Variants in DPH6 observed in about 807,000 individuals in gnomAD.
DPH6 encodes diphthamine biosynthesis 6.
Under a neutral mutation model 38.2 loss-of-function variants are expected in DPH6, and 33 were observed. The ratio of observed to expected loss-of-function variants is 0.86; its 90% CI spans 0.65 to 1.15. The LOEUF (loss-of-function observed/expected upper bound fraction) is 1.15, where lower values mean the gene tolerates loss of function less well. Among genes scored for constraint, DPH6 ranks in the 50% most tolerant of loss-of-function variants. The pLI, the probability that DPH6 is intolerant of heterozygous loss-of-function variation, is 0.00. For synonymous variants in DPH6, 108 were observed against 103.0 expected, an observed-to-expected ratio of 1.05 and a Z score of -0.30; for missense variants, 325 against 320.0, an observed-to-expected ratio of 1.02 and a Z score of -0.12.
At chr15:35,288,382 T>C (rs946160413) in intron 3 of DPH6, among the ~76,000 whole-genome samples, 1 of 152,194 alleles carries the variant, frequency 6.6e-6, no homozygotes, top group Non-Finnish European at 1.5e-5. Flanking sequence ...CAGTAAGGTT[T>C]TGGAAATTTA....
chr15:35,397,341 C>T (rs746984537), intron 6 of DPH6, among the ~76,000 whole-genome samples: 9 of 152,226 alleles, frequency 5.9e-5, no homozygotes, highest in Non-Finnish European at 1.2e-4. Context: ...TATAATTTTG[C>T]TCTTCCATCT....
intron 3 of DPH6, among the ~76,000 whole-genome samples, chr15:35,482,925 T>C (rs2054345902): frequency 1.3e-5 from 2 of 152,036 alleles, no homozygotes; most frequent in Admixed American, 6.5e-5. Flanking sequence ...TTGCAAATCA[T>C]ACATCTGATA....
At chr15:35,423,093 G>A (rs1306891722) in intron 5 of DPH6, among the ~76,000 whole-genome samples, 2 of 151,812 alleles carry the variant, frequency 1.3e-5, no homozygotes, top group Middle Eastern at 3.2e-3. Flanking sequence ...GTGATTGCCG[G>A]ATCATACAGT....
At chr15:35,232,043 A>G (rs775966455) in intron 3 of DPH6, among the ~76,000 whole-genome samples, 3 of 152,180 alleles carry the variant, frequency 2.0e-5, no homozygotes, top group Non-Finnish European at 4.4e-5. Flanking sequence ...AAACTGTATC[A>G]GTATTACTGG....
At chr15:35,450,898 T>C in intron 4 of DPH6, 95 bp from the exon 5 acceptor site, 1 of 981,850 alleles carries the variant, frequency 1.0e-6, no homozygotes, top group Non-Finnish European at 1.5e-6. Context: ...TAATGCTTCG[T>C]TCAAGGATTT....
chr15:35,284,770 T>C (rs1595461003), intron 3 of DPH6, among the ~76,000 whole-genome samples: 1 of 139,570 alleles, frequency 7.2e-6, no homozygotes. Flanking sequence ...ATGACAGATA[T>C]AAAAGGAAAA....
chr15:35,520,391 A>G (rs556488120), intron 3 of DPH6: 4 of 982,524 alleles, frequency 4.1e-6, no homozygotes, highest in Admixed American at 1.2e-4. Flanking sequence ...TGTAAAATAA[A>G]TAAGTTACAT....
At chr15:35,195,605 C>A in the DPH6 span, among the ~76,000 whole-genome samples, 3 of 152,122 alleles carry the variant, frequency 2.0e-5, no homozygotes. Context: ...GGGTTGTGAG[C>A]AGGTCTGATA....
intron 5 of DPH6, 56 bp downstream of exon 5, chr15:35,450,629 G>A: frequency 1.5e-6 from 2 of 1,363,066 alleles, no homozygotes; most frequent in Non-Finnish European, 2.1e-6. Flanking sequence ...ACTTATTAGT[G>A]AACTGAGATC....
At chr15:35,507,847 T>G (rs1461325148) in intron 3 of DPH6, among the ~76,000 whole-genome samples, 1 of 152,012 alleles carries the variant, frequency 6.6e-6, no homozygotes, top group East Asian at 1.9e-4. Context: ...AAAAATTATA[T>G]ACATATATAT....
At chr15:35,208,207 G>T in the DPH6 span, among the ~76,000 whole-genome samples, 1 of 152,116 alleles carries the variant, frequency 6.6e-6, no homozygotes. Context: ...GTCCCTGGAG[G>T]TGGTGGCGGG....
Position 35,542,563 on chromosome 15 carries a change from T to C in DPH6, c.24-56A>G, listed in dbSNP as rs1001358782. ...TCATGCTACTGACCATTATTCAACA[T>C]AAAATCACTAGATATCAAAACAGAA... is the stretch of plus-strand genomic sequence containing the variant. On this transcript the variant is annotated intron_variant, in intron 1 of 8. Transcript: ENST00000256538. The C allele has an allele frequency of 1.3e-5, 18 of 1,427,410 alleles. No individual in the cohort carries two copies. In the African/African-American group the frequency reaches 2.4e-4, roughly 19 times the overall value. The allele number at this position is 1,427,410 out of a possible 1,614,324, so 88.4% of individuals were successfully genotyped here. A position where few individuals can be genotyped will look rare whatever the true frequency, so the allele number is the denominator to read the frequency against.
At chr15:35,241,646 T>G (rs1418257450) in intron 3 of DPH6, among the ~76,000 whole-genome samples, 1 of 142,156 alleles carries the variant, frequency 7.0e-6, no homozygotes. Context: ...CCTCCTCTTG[T>G]ATTCCCCCAC....
chr15:35,511,766 T>C (rs2054776174), intron 3 of DPH6, among the ~76,000 whole-genome samples: 1 of 150,880 alleles, frequency 6.6e-6, no homozygotes, highest in African/African-American at 2.4e-5. Flanking sequence ...CAAACAAAAA[T>C]AGAGAGAATT....
At position 35,365,767 on chromosome 15, in the gene DPH6, G is replaced by A. The variant is rs569674051; in HGVS notation, n.207+7754C>T. ...GTCCATTTACTCGAGACAGAAATGA[G>A]TCAAGTAGTCCTTTAAATGTGGGTG... On this transcript the variant is annotated intron_variant and non_coding_transcript_variant, in intron 3 of 3. Transcript: ENST00000558973. 5.9e-5 allele frequency: 58 copies of A among 984,286 alleles called. No individual in the cohort carries two copies. The African/African-American group carries it at 9.9e-4, about 17-fold the overall frequency. 61.0% of individuals were successfully genotyped at this position (984,286 alleles called of 1,614,324 possible).
chr15:35,317,319 A>G (rs1396946739), intron 3 of DPH6, among the ~76,000 whole-genome samples: 1 of 151,308 alleles, frequency 6.6e-6, no homozygotes, highest in Non-Finnish European at 1.5e-5. Flanking sequence ...GAAAGAAGGA[A>G]GGAAAAAAGA....
At chr15:35,276,568 T>A (rs1422342336) in intron 3 of DPH6, among the ~76,000 whole-genome samples, 3 of 152,246 alleles carry the variant, frequency 2.0e-5, no homozygotes, top group Non-Finnish European at 2.9e-5. Flanking sequence ...TAGTTTCAAG[T>A]CTTAGATTTA....
chr15:35,312,233 A>G (rs991291774), intron 3 of DPH6, among the ~76,000 whole-genome samples: 1 of 152,206 alleles, frequency 6.6e-6, no homozygotes, highest in Admixed American at 6.5e-5. Flanking sequence ...GAGCTGAAGA[A>G]TAAGAAATTA....
chr15:35,379,010 T>G (rs765030997), intron 7 of DPH6, among the ~76,000 whole-genome samples: 1 of 152,184 alleles, frequency 6.6e-6, no homozygotes, highest in Admixed American at 6.5e-5. Context: ...CCCGAGGTAT[T>G]GGTACAACTG....
Sources: gnomAD v4.1 joint callset for allele counts (sites outside exome capture counted in the v4.1 genomes callset) on GRCh38, gnomAD v4.1.1 for gene constraint, MANE v1.5 for transcripts, NCBI Gene and HGNC (gene_info 2026-07-23, HGNC 2026-07-21) for gene names.